The following NLGN1 variants were observed in gnomAD, a reference collection of about 807,000 sequenced individuals.
NLGN1 encodes the protein neuroligin-1.
Under a neutral mutation model 65.5 loss-of-function variants are expected in NLGN1, and 12 were observed. That is an observed-to-expected ratio of 0.18 (90% confidence interval 0.12 to 0.30). The LOEUF (loss-of-function observed/expected upper bound fraction) is 0.30, where lower values mean the gene tolerates loss of function less well. NLGN1 is among the 10% of genes least tolerant of loss of function. The pLI, the probability that NLGN1 is intolerant of heterozygous loss-of-function variation, is 1.00. For missense variants in NLGN1, 750 were observed against 1,007.1 expected, an observed-to-expected ratio of 0.74 and a Z score of 3.46; for synonymous variants, 350 against 359.5, an observed-to-expected ratio of 0.97 and a Z score of 0.30.
intron 4 of NLGN1, among the ~76,000 whole-genome samples, chr3:173,997,180 T>A (rs896606606): frequency 1.3e-5 from 2 of 152,114 alleles, no homozygotes; most frequent in East Asian, 3.8e-4. Flanking sequence ...TTGAAGTGGA[T>A]GAGATAATAA....
chr3:173,481,551 A>C (rs73038166), intron 2 of NLGN1, among the ~76,000 whole-genome samples: 17 of 151,808 alleles, frequency 1.1e-4, no homozygotes, highest in African/African-American at 3.9e-4. Context: ...TTTGTTCTTC[A>C]TTTGTTTTGG....
At chr3:173,539,366 T>A (rs1738025878) in intron 2 of NLGN1, among the ~76,000 whole-genome samples, 1 of 148,292 alleles carries the variant, frequency 6.7e-6, no homozygotes, top group African/African-American at 2.5e-5. Flanking sequence ...TTGGGCTCCA[T>A]CATATATATG....
chr3:173,843,241 T>A (rs1725121025), intron 4 of NLGN1, among the ~76,000 whole-genome samples: 2 of 152,150 alleles, frequency 1.3e-5, no homozygotes, highest in Admixed American at 1.3e-4. Context: ...CAAAACCACT[T>A]TTTCCTCCTA....
chr3:173,588,016 G>A (rs1003005264), intron 2 of NLGN1, among the ~76,000 whole-genome samples: 4 of 152,226 alleles, frequency 2.6e-5, no homozygotes, highest in South Asian at 2.1e-4. Flanking sequence ...TAAATGACTT[G>A]TTGAAATTTA....
At chr3:173,784,757 G>A (rs1281546233) in intron 3 of NLGN1, among the ~76,000 whole-genome samples, 1 of 151,038 alleles carries the variant, frequency 6.6e-6, no homozygotes, top group East Asian at 1.9e-4. Context: ...GAAGAAGAGA[G>A]ACTCATAAAT....
At chr3:173,937,112 T>A (rs1382320173) in intron 4 of NLGN1, among the ~76,000 whole-genome samples, 1 of 151,980 alleles carries the variant, frequency 6.6e-6, no homozygotes, top group Non-Finnish European at 1.5e-5. Context: ...ACACTATAGG[T>A]CCCAGAGCAT....
chr3:173,744,182 C>G (rs1301657140), intron 3 of NLGN1, among the ~76,000 whole-genome samples: 1 of 151,928 alleles, frequency 6.6e-6, no homozygotes, highest in African/African-American at 2.4e-5. Flanking sequence ...CTCTGAAATT[C>G]AATAGAATGG....
At chr3:174,044,629 C>T (rs1023677665) in intron 4 of NLGN1, among the ~76,000 whole-genome samples, 1 of 152,134 alleles carries the variant, frequency 6.6e-6, no homozygotes, top group African/African-American at 2.4e-5. Flanking sequence ...GTATCACTAT[C>T]AGCATTTTGG....
chr3:174,258,166 G>A (rs1205066754), intron 4 of NLGN1, among the ~76,000 whole-genome samples: 1 of 151,986 alleles, frequency 6.6e-6, no homozygotes, highest in African/African-American at 2.4e-5. Context: ...AAGGTAATGG[G>A]TACATGTCAA....
intron 3 of NLGN1, among the ~76,000 whole-genome samples, chr3:173,651,724 T>C (rs1313255704): frequency 6.6e-6 from 1 of 151,454 alleles, no homozygotes. Flanking sequence ...ATGTTGAGCA[T>C]TTTTTTTTAT....
chr3:173,679,749 A>G (rs1268279222), intron 3 of NLGN1, among the ~76,000 whole-genome samples: 2 of 152,096 alleles, frequency 1.3e-5, no homozygotes, highest in Non-Finnish European at 1.5e-5. Flanking sequence ...GATGCCAGGA[A>G]CATACCTGGA....
intron 4 of NLGN1, among the ~76,000 whole-genome samples, chr3:173,904,178 T>C (rs1737904813): frequency 6.6e-6 from 1 of 152,160 alleles, no homozygotes; most frequent in African/African-American, 2.4e-5. Flanking sequence ...TGGGTTCCTT[T>C]TGTTTCATTA....
chr3:174,230,503 A>G lies in NLGN1; in HGVS notation c.647-44812A>G, dbSNP rs543500264. Among the ~76,000 whole-genome samples the G allele has an allele frequency of 2.4e-3, 362 of 152,336 alleles. 1 individual carries two copies. The highest frequency in any genetic ancestry group is 4.1e-3 in the Non-Finnish European group (279 of 68,042). ...AATATTTACCTATCTTAAAATATGA[A>G]TAGATTTTCCTTCAGTGTTTTCATT... On this transcript the variant is annotated intron_variant, in intron 4 of 6. Transcript: ENST00000457714.
At chr3:174,005,254 T>C (rs138250403) in intron 4 of NLGN1, among the ~76,000 whole-genome samples, 1 of 152,330 alleles carries the variant, frequency 6.6e-6, no homozygotes, top group African/African-American at 2.4e-5. Flanking sequence ...AGTTTTATTA[T>C]AATCTATGAC....
chr3:173,927,557 C>G (rs1217104345), intron 4 of NLGN1, among the ~76,000 whole-genome samples: 1 of 152,146 alleles, frequency 6.6e-6, no homozygotes, highest in South Asian at 2.1e-4. Context: ...ATTCACTGCT[C>G]AGGCTACTTC....
intron 1 of NLGN1, among the ~76,000 whole-genome samples, chr3:173,407,801 A>C (rs543900578): frequency 4.6e-5 from 7 of 152,358 alleles, no homozygotes; most frequent in Admixed American, 6.5e-5. Context: ...ATGCTTATTG[A>C]AATCATACAT....
chr3:174,191,407 G>T (rs1271457007), intron 4 of NLGN1, among the ~76,000 whole-genome samples: 1 of 152,106 alleles, frequency 6.6e-6, no homozygotes, highest in Non-Finnish European at 1.5e-5. Context: ...GTATAACTAA[G>T]CTTTCTTTTA....
chr3:173,699,734 AG>A (rs964969799), intron 3 of NLGN1, among the ~76,000 whole-genome samples: 9 of 152,168 alleles, frequency 5.9e-5, no homozygotes, highest in Non-Finnish European at 7.3e-5. Flanking sequence ...TTTAAGGTTT[AG>A]GGGGAAGGAT....
At chr3:173,991,388 A>C (rs1464344940) in intron 4 of NLGN1, among the ~76,000 whole-genome samples, 2 of 152,196 alleles carry the variant, frequency 1.3e-5, no homozygotes, top group Admixed American at 1.3e-4. Flanking sequence ...ATATTCAATG[A>C]CAAAACATTG....
Sources: gnomAD v4.1 joint callset for allele counts (sites outside exome capture counted in the v4.1 genomes callset) on GRCh38, gnomAD v4.1.1 for gene constraint, MANE v1.5 for transcripts, NCBI Gene and HGNC (gene_info 2026-07-23, HGNC 2026-07-21) for gene names.